CREB5: variants seen among roughly 807,000 people sequenced by gnomAD.
The protein encoded by CREB5 is cyclic AMP-responsive element-binding protein 5.
Under a neutral mutation model 57.1 loss-of-function variants are expected in CREB5, and 19 were observed. The ratio of observed to expected loss-of-function variants is 0.33; its 90% CI spans 0.23 to 0.49. The LOEUF is 0.49. Ranked by LOEUF, CREB5 falls within the 20% of genes least tolerant of loss-of-function variation. The pLI, the probability that CREB5 is intolerant of heterozygous loss-of-function variation, is 0.99. For missense variants in CREB5, 579 were observed against 671.6 expected (o/e 0.86, Z 1.52); for synonymous variants, 238 against 238.3 (o/e 1.00, Z 0.01).
intron 1 of CREB5, among the ~76,000 whole-genome samples, chr7:28,324,157 G>C (rs564346746): frequency 5.3e-5 from 8 of 152,178 alleles, no homozygotes; most frequent in Non-Finnish European, 1.2e-4. Flanking sequence ...TACACAACTA[G>C]AGCCAAAAAT....
At chr7:28,756,741 T>C (rs1231179096) in intron 7 of CREB5, among the ~76,000 whole-genome samples, 1 of 152,092 alleles carries the variant, frequency 6.6e-6, no homozygotes, top group East Asian at 1.9e-4. Flanking sequence ...AAGCACCATA[T>C]TGGTTATTAG....
chr7:28,534,847 A>C (rs1793890384), intron 4 of CREB5, among the ~76,000 whole-genome samples: 1 of 141,888 alleles, frequency 7.0e-6, no homozygotes, highest in South Asian at 2.2e-4. Flanking sequence ...CAGAGGGATA[A>C]AGTGACTTTC....
At chr7:28,535,363 G>A (rs1424490775) in intron 4 of CREB5, among the ~76,000 whole-genome samples, 1 of 137,870 alleles carries the variant, frequency 7.3e-6, no homozygotes, top group Non-Finnish European at 1.6e-5. Flanking sequence ...TGGAAGGGAG[G>A]AAAGGTGGAA....
At position 28,819,155 on chromosome 7, in the gene CREB5, G is replaced by C. The variant is rs1809616732; in HGVS notation, c.1403G>C (p.Cys468Ser). ...CCTCCTGCTAGTCCTGTCCCAGCTT[G>C]CTCCCAGCAACAAGTCATCCAGCAT... Reference protein sequence around the residue: ...SSPPASPVPACSQQQVIQHNT... With the variant: ...SSPPASPVPASSQQQVIQHNT... Residue 468 changes from cysteine to serine, a missense_variant, in exon 11 of 11, where the codon TGC becomes TCC. Cys to Ser is a moderately radical substitution (Grantham distance 112). Around this residue, in one of 3 missense-constraint regions of CREB5, gnomAD observed 114 missense variants for 130.8 expected, o/e 0.87. Coordinates refer to ENST00000357727, the MANE Select transcript of CREB5 (RefSeq NM_182898.4). 6.2e-7 allele frequency: 1 copy of C among 1,613,520 alleles called. No individual in the cohort carries two copies. Among genetic ancestry groups the C allele is most frequent in the African/African-American group, 1.3e-5 (1 of 74,874 alleles).
At chr7:28,772,033 G>T (rs978100512) in intron 7 of CREB5, among the ~76,000 whole-genome samples, 1 of 152,128 alleles carries the variant, frequency 6.6e-6, no homozygotes, top group Non-Finnish European at 1.5e-5. Flanking sequence ...AAGGGCAGTT[G>T]TCATTCTCTA....
At chr7:28,801,384 G>T in intron 7 of CREB5, among the ~76,000 whole-genome samples, 1 of 152,044 alleles carries the variant, frequency 6.6e-6, no homozygotes. Flanking sequence ...TTTTTAAAAA[G>T]GCATGATGAT....
intron 7 of CREB5, among the ~76,000 whole-genome samples, chr7:28,725,655 AAAAAAAAG>A (rs1277310112): frequency 6.6e-6 from 1 of 151,328 alleles, no homozygotes; most frequent in Non-Finnish European, 1.5e-5. Context: ...TAAAAAAAAA[AAAAAAAAG>A]AAAGAAAGAA....
At position 28,650,232 on chromosome 7, in the gene CREB5, C is replaced by G. The variant is rs573794980; in HGVS notation, c.465-68521C>G. Among the ~76,000 whole-genome samples, 22 of 152,296 alleles carry G rather than the reference C, an allele frequency of 1.4e-4. No homozygotes were observed. In the South Asian group the frequency reaches 1.7e-3, roughly 11 times the overall value. On this transcript the variant is annotated intron_variant, in intron 5 of 10. Transcript: ENST00000357727. ...ACACCTTCTTTGTGTCAGGTGCTGA[C>G]TTGGGCATTTCACATACACCTTGAA...
At chr7:28,494,319 A>G (rs1464934248) in intron 2 of CREB5, among the ~76,000 whole-genome samples, 4 of 152,210 alleles carry the variant, frequency 2.6e-5, no homozygotes, top group African/African-American at 9.6e-5. Context: ...ATTCATTTAA[A>G]CACTTATTTT....
intron 9 of CREB5, among the ~76,000 whole-genome samples, chr7:28,810,671 G>T (rs1809062014): frequency 6.7e-6 from 1 of 149,688 alleles, no homozygotes; most frequent in Non-Finnish European, 1.5e-5. Context: ...ACTCCAGCCT[G>T]GGCAACAGGG....
intron 1 of CREB5, among the ~76,000 whole-genome samples, chr7:28,349,134 G>A (rs1371121152): frequency 2.6e-5 from 4 of 152,086 alleles, no homozygotes; most frequent in Admixed American, 6.6e-5. Context: ...ACAGTCCACC[G>A]CACATCAGTG....
At chr7:28,439,177 C>G (rs963196978) in intron 1 of CREB5, among the ~76,000 whole-genome samples, 4 of 152,162 alleles carry the variant, frequency 2.6e-5, no homozygotes, top group African/African-American at 9.7e-5. Context: ...GTATCGTAAG[C>G]TCTATACTGC....
At chr7:28,579,033 G>T (rs1796015814) in intron 5 of CREB5, among the ~76,000 whole-genome samples, 1 of 152,180 alleles carries the variant, frequency 6.6e-6, no homozygotes, top group Admixed American at 6.5e-5. Flanking sequence ...TTGCTCTAGG[G>T]ATAGAAAGCC....
intron 4 of CREB5, among the ~76,000 whole-genome samples, chr7:28,509,734 CT>C (rs749626312): frequency 4.6e-4 from 70 of 152,130 alleles, no homozygotes; most frequent in Admixed American, 2.4e-3. Flanking sequence ...AGAAAAGGAA[CT>C]ATTGCAGCTG....
chr7:28,751,069 T>C (rs1804948938), intron 7 of CREB5, among the ~76,000 whole-genome samples: 1 of 152,046 alleles, frequency 6.6e-6, no homozygotes. Context: ...TTAGATTCTC[T>C]AGGCTTCTTC....
intron 1 of CREB5, among the ~76,000 whole-genome samples, chr7:28,400,087 G>A (rs1787426651): frequency 7.2e-6 from 1 of 139,840 alleles, no homozygotes; most frequent in Non-Finnish European, 1.6e-5. Flanking sequence ...ACACACACAC[G>A]TTTTGTGGGT....
chr7:28,767,374 C>T (rs1232507888), intron 7 of CREB5, among the ~76,000 whole-genome samples: 1 of 152,204 alleles, frequency 6.6e-6, no homozygotes. Flanking sequence ...TAGCCAGCCT[C>T]TCTTGAGTTG....
chr7:28,474,158 A>C (rs1037336284), intron 1 of CREB5, among the ~76,000 whole-genome samples: 1 of 152,060 alleles, frequency 6.6e-6, no homozygotes, highest in African/African-American at 2.4e-5. Context: ...CTCTTAAGCT[A>C]CTTTTTTGGA....
chr7:28,656,516 T>G (rs1457345414), intron 5 of CREB5, among the ~76,000 whole-genome samples: 6 of 152,232 alleles, frequency 3.9e-5, no homozygotes, highest in Admixed American at 3.9e-4. Flanking sequence ...CAGATTATTA[T>G]CATAGCAGCA....
Sources: allele counts gnomAD v4.1 joint callset (sites outside exome capture counted in the v4.1 genomes callset), GRCh38; gene constraint gnomAD v4.1.1; regional missense constraint gnomAD v4.1.1; transcripts MANE v1.5; gene names NCBI Gene and HGNC (gene_info 2026-07-23, HGNC 2026-07-21).